The following WDR53 variants were observed in gnomAD, a reference collection of about 807,000 sequenced individuals.
WDR53 encodes the protein WD repeat-containing protein 53.
WDR53 carries 19 observed loss-of-function variants against 21.3 expected under a neutral mutation model. That is an observed-to-expected ratio of 0.89 (90% CI 0.62 to 1.31). The LOEUF (loss-of-function observed/expected upper bound fraction) is 1.31. Ranked by LOEUF, WDR53 falls within the 50% of genes most tolerant of loss-of-function variation. The pLI is 0.00. For synonymous variants in WDR53, 157 were observed against 163.4 expected (o/e 0.96, Z 0.30); for missense variants, 374 against 423.2 (o/e 0.88, Z 1.02).
In WDR53 at chr3:196,567,231, T is replaced by C. The variant is rs1354229637; in HGVS notation, c.-371A>G. 2.2e-6 allele frequency: 1 copy of C among 457,028 alleles called. No individual in the cohort carries two copies. Among genetic ancestry groups the C allele is most frequent in the East Asian group, 6.9e-5 (1 of 14,400 alleles). 28.3% of individuals were successfully genotyped at this position (457,028 alleles called of 1,614,324 possible). ...CACAGGTCAACTTTTCTCTACAGGC[T>C]TGGGGTTTCTGAAGTTGGACTTGAT... On this transcript the variant is annotated 5_prime_UTR_variant, in exon 2 of 4. Transcript: ENST00000332629.
At chr3:196,560,678 A>T (rs1560303966) in intron 3 of WDR53, among the ~76,000 whole-genome samples, 1 of 152,224 alleles carries the variant, frequency 6.6e-6, no homozygotes, top group African/African-American at 2.4e-5. Flanking sequence ...GTTTACAGAG[A>T]GTGGGTGGAC....
intron 3 of WDR53, among the ~76,000 whole-genome samples, chr3:196,559,997 A>G (rs2108689649): frequency 6.6e-6 from 1 of 152,220 alleles, no homozygotes; most frequent in Non-Finnish European, 1.5e-5. Flanking sequence ...TCCAGTGATG[A>G]GATTTACTCT....
At chr3:196,556,312 T>C (rs1734310042) in intron 3 of WDR53, among the ~76,000 whole-genome samples, 1 of 152,084 alleles carries the variant, frequency 6.6e-6, no homozygotes, top group African/African-American at 2.4e-5. Flanking sequence ...CCTCCCAAAG[T>C]GATGGGATTA....
intron 2 of WDR53, among the ~76,000 whole-genome samples, chr3:196,565,467 C>G (rs561143300): frequency 6.8e-6 from 1 of 146,596 alleles, no homozygotes; most frequent in South Asian, 2.2e-4. Context: ...CCCAGCTACT[C>G]GGGAGGCTGA....
At chr3:196,556,316 G>A (rs1702452088) in intron 3 of WDR53, among the ~76,000 whole-genome samples, 1 of 152,056 alleles carries the variant, frequency 6.6e-6, no homozygotes, top group South Asian at 2.1e-4. Context: ...CCAAAGTGAT[G>A]GGATTACACG....
At chr3:196,555,317 C>T (rs1244682250) in intron 3 of WDR53, among the ~76,000 whole-genome samples, 1 of 152,172 alleles carries the variant, frequency 6.6e-6, no homozygotes, top group East Asian at 1.9e-4. Flanking sequence ...GAAGGCTTTC[C>T]TATTTCAGCC....
At chr3:196,560,131 A>G (rs922677218) in intron 3 of WDR53, among the ~76,000 whole-genome samples, 2 of 152,170 alleles carry the variant, frequency 1.3e-5, no homozygotes, top group African/African-American at 4.8e-5. Context: ...TTTTCCCCTC[A>G]TGAAAACTAA....
intron 1 of WDR53, among the ~76,000 whole-genome samples, chr3:196,567,952 A>G (rs1735590732): frequency 6.6e-6 from 1 of 152,130 alleles, no homozygotes; most frequent in Non-Finnish European, 1.5e-5. Context: ...CTGCCTCGCA[A>G]TGTTGCCCAA....
intron 3 of WDR53, among the ~76,000 whole-genome samples, chr3:196,557,653 G>T (rs1396732828): frequency 6.6e-6 from 1 of 152,132 alleles, no homozygotes; most frequent in African/African-American, 2.4e-5. Flanking sequence ...TTCAGATGCA[G>T]AAAGGGGCAG....
rs1298885274 is a variant in WDR53, at chr3:196,561,439, CAGG to C, written c.34_36del (p.Pro12del). The C allele has an allele frequency of 4.3e-6, 7 of 1,613,900 alleles. No homozygotes were observed. The highest frequency in any genetic ancestry group is 1.7e-5 in the Admixed American group (1 of 59,992). On this transcript the variant is annotated inframe_deletion, in exon 3 of 4. Transcript: ENST00000332629. ...TCTTTACTTGCATTCAGGCAGAGGA[CAGG>C]AGAAGAATGCCCACCCGTCCACTTG... is the stretch of plus-strand genomic sequence containing the variant.
chr3:196,565,560 A>G (rs9843636), intron 2 of WDR53, among the ~76,000 whole-genome samples: 118,584 of 147,060 alleles, frequency 0.81, 48,193 homozygotes, highest in East Asian at 0.98. Flanking sequence ...AGTCGGGGTG[A>G]GGGGGCAGGG....
At position 196,554,239 on chromosome 3, in the gene WDR53, A is replaced by C; in HGVS notation, c.1049T>G (p.Ile350Arg). The C allele has an allele frequency of 6.2e-7, 1 of 1,612,852 alleles. No individual in the cohort carries two copies. ...AAATTCATTTAAGGGGTATACAGAT[A>C]TACAACTAGTTTGATCAGCTACTAA... ...NILVADQTSC[I>R]SVYPLNEF Residue 350 changes from isoleucine to arginine, a missense_variant, in exon 4 of 4, where the codon ATA becomes AGA. By Grantham distance (97) the Ile-to-Arg change is moderately conservative. Coordinates refer to ENST00000332629, the MANE Select transcript of WDR53 (RefSeq NM_182627.3).
chr3:196,554,232 T>C lies in WDR53; in HGVS notation c.1056A>G (p.Val352=), dbSNP rs150203426. ...LVADQTSCIS[V]YPLNEF ...GGATTTAAAATTCATTTAAGGGGTA[T>C]ACAGATATACAACTAGTTTGATCAG... Residue 352 remains valine (V), a synonymous_variant, in exon 4 of 4, where the codon GTA becomes GTG. Coordinates refer to ENST00000332629, the MANE Select transcript of WDR53 (RefSeq NM_182627.3). The C allele has an allele frequency of 1.2e-6, 2 of 1,610,160 alleles. No homozygotes were observed. Among genetic ancestry groups the C allele is most frequent in the South Asian group, 1.1e-5 (1 of 90,756 alleles).
rs575411158 is a variant in WDR53, at chr3:196,563,800, G to A, written c.-16-2309C>T. ...TTGGCCAGGCTGGTCTTGAACTTCT[G>A]ACCTTACATGATCCACCCACTTCAG... On this transcript the variant is annotated intron_variant, in intron 2 of 3. Transcript: ENST00000332629. Among the ~76,000 whole-genome samples, 24 of 152,250 alleles carry A rather than the reference G, an allele frequency of 1.6e-4. No homozygotes were observed. In the South Asian group the frequency reaches 4.8e-3, roughly 30 times the overall value.
Position 196,561,119 on chromosome 3 carries a change from T to G in WDR53, c.357A>C (p.Lys119Asn), listed in dbSNP as rs1279980256. The G allele has an allele frequency of 6.2e-7, 1 of 1,614,100 alleles. No individual in the cohort carries two copies. Among genetic ancestry groups the G allele is most frequent in the Non-Finnish European group, 8.5e-7 (1 of 1,180,038 alleles). The change falls in exon 3 of 4, where the codon AAA becomes AAC. Residue 119 changes from lysine to asparagine, a missense_variant. Coordinates refer to ENST00000332629, the MANE Select transcript of WDR53 (RefSeq NM_182627.3). ...CTTTCTTGTTTTCCAAGTCTAGGATTTTGATTGCCCCAGAGTCGTCAGCAG... is the reference window on the plus strand; with the variant it reads ...CTTTCTTGTTTTCCAAGTCTAGGATGTTGATTGCCCCAGAGTCGTCAGCAG... Reference protein sequence around the residue: ...LASADDSGAIKILDLENKKVI... With the variant: ...LASADDSGAINILDLENKKVI...
At chr3:196,564,819 AT>A (rs1259429860) in intron 2 of WDR53, among the ~76,000 whole-genome samples, 3 of 152,138 alleles carry the variant, frequency 2.0e-5, no homozygotes, top group Non-Finnish European at 4.4e-5. Context: ...CCCAGCTGGG[AT>A]TTTAGGTTTT....
At chr3:196,568,241 G>C (rs149551632) in intron 1 of WDR53, among the ~76,000 whole-genome samples, 22 of 152,138 alleles carry the variant, frequency 1.4e-4, no homozygotes, top group Non-Finnish European at 2.6e-4. Context: ...CCGATACTTA[G>C]GGAGAACGAG....
intron 1 of WDR53, among the ~76,000 whole-genome samples, chr3:196,568,216 G>A (rs1358710852): frequency 3.3e-5 from 5 of 152,156 alleles, no homozygotes; most frequent in Admixed American, 6.6e-5. Context: ...CACAGGGACA[G>A]ACGTTCGCTA....
intron 3 of WDR53, 29 bp downstream of exon 3, chr3:196,560,967 T>TC: frequency 6.4e-7 from 1 of 1,561,420 alleles, no homozygotes. Context: ...ACTTAGAAAT[T>TC]CCCCAAGTAC....
Sources: allele counts gnomAD v4.1 joint callset (sites outside exome capture counted in the v4.1 genomes callset), GRCh38; gene constraint gnomAD v4.1.1; transcripts MANE v1.5; gene names NCBI Gene and HGNC (gene_info 2026-07-23, HGNC 2026-07-21).